The following RGS6 variants were observed in gnomAD, a reference collection of about 807,000 sequenced individuals.
RGS6 encodes the protein regulator of G-protein signaling 6.
In RGS6, 30 loss-of-function variants were observed where a neutral mutation model predicts 78.5. The observed-to-expected ratio is 0.38, with a 90% CI of 0.29 to 0.52. RGS6 has a LOEUF of 0.52. Ranked by LOEUF, RGS6 falls within the 20% of genes least tolerant of loss-of-function variation. The probability of loss-of-function intolerance (pLI) is 0.85; values close to 1 mark genes in which losing one functional copy is unlikely to be tolerated. For missense variants in RGS6, 495 were observed against 609.7 expected (o/e 0.81, Z 1.98); for synonymous variants, 206 against 206.0 (o/e 1.00, Z 0.00).
At chr14:72,344,367 A>G (rs2077586247) in intron 2 of RGS6, among the ~76,000 whole-genome samples, 1 of 152,152 alleles carries the variant, frequency 6.6e-6, no homozygotes, top group Admixed American at 6.5e-5. Flanking sequence ...CTGGCTCCCC[A>G]CTCAACTGGT....
chr14:72,467,222 T>C (rs555204397), intron 7 of RGS6, among the ~76,000 whole-genome samples: 50 of 152,288 alleles, frequency 3.3e-4, no homozygotes, highest in Admixed American at 5.9e-4. Context: ...AACTTTCTTA[T>C]ACCTTCTACT....
At position 72,052,925 on chromosome 14, in the gene RGS6, TTTTCTTTC is replaced by T. The variant is rs759527358; in HGVS notation, c.84+88104_84+88111del. ...GCACATGTTCAGAGTTTCATTGTATTTTTCTTTCTTTCTTTCTTTCTTTCTTTCTTTCT... is the reference window on the plus strand; with the variant it reads ...GCACATGTTCAGAGTTTCATTGTATTTTTCTTTCTTTCTTTCTTTCTTTCT... On this transcript the variant is annotated intron_variant, in intron 2 of 17. Coordinates refer to ENST00000553525, the MANE Select transcript of RGS6 (RefSeq NM_001204424.2). Among the ~76,000 whole-genome samples, 1,041 of 120,404 alleles carry T rather than the reference TTTTCTTTC, an allele frequency of 8.6e-3. 27 individuals are homozygous for T. Among genetic ancestry groups the T allele is most frequent in the Non-Finnish European group, 0.015 (819 of 53,554 alleles). The allele number at this position is 120,404 out of a possible 152,430, so 79.0% of individuals were successfully genotyped here.
chr14:72,516,982 A>C (rs1400275811), intron 14 of RGS6: 1 of 143,562 alleles, frequency 7.0e-6, no homozygotes, highest in Non-Finnish European at 1.5e-5. Flanking sequence ...GTTGGAGCCC[A>C]GCATTTGGGG....
At chr14:72,520,405 C>T (rs78702753) in intron 15 of RGS6, among the ~76,000 whole-genome samples, 5,695 of 152,164 alleles carry the variant, frequency 0.037, 358 homozygotes, top group African/African-American at 0.13. Context: ...TGGACAAAAC[C>T]ACTTCATGGA....
At chr14:72,341,164 A>T (rs2079503) in intron 2 of RGS6, among the ~76,000 whole-genome samples, 70,671 of 152,014 alleles carry the variant, frequency 0.46, 16,764 homozygotes, top group South Asian at 0.6. Flanking sequence ...TACAGGAAGC[A>T]TGGCTGGGGA....
intron 3 of RGS6, among the ~76,000 whole-genome samples, chr14:72,433,498 A>C (rs748944968): frequency 1.3e-5 from 2 of 152,118 alleles, no homozygotes; most frequent in Non-Finnish European, 2.9e-5. Context: ...ACTTAAAATG[A>C]AAATAAAAAT....
At chr14:72,251,915 A>G (rs2153837477) in intron 2 of RGS6, among the ~76,000 whole-genome samples, 1 of 152,370 alleles carries the variant, frequency 6.6e-6, no homozygotes, top group African/African-American at 2.4e-5. Context: ...CAAGAATTTT[A>G]TGGCCTTATA....
At chr14:72,077,608 TTC>T (rs2094628810) in intron 2 of RGS6, among the ~76,000 whole-genome samples, 1 of 152,194 alleles carries the variant, frequency 6.6e-6, no homozygotes, top group Non-Finnish European at 1.5e-5. Flanking sequence ...AGCCCTTTAA[TTC>T]TGTTTCTTTA....
At chr14:72,340,836 A>T (rs1420954352) in intron 2 of RGS6, among the ~76,000 whole-genome samples, 4 of 152,172 alleles carry the variant, frequency 2.6e-5, no homozygotes, top group Non-Finnish European at 4.4e-5. Context: ...TGCAGAGCAG[A>T]TGTAGAGGAC....
At chr14:72,369,474 T>A (rs2083047757) in intron 3 of RGS6, among the ~76,000 whole-genome samples, 2 of 152,224 alleles carry the variant, frequency 1.3e-5, no homozygotes, top group African/African-American at 4.8e-5. Context: ...TGGTGATTTG[T>A]TGCAGCAGCC....
intron 2 of RGS6, among the ~76,000 whole-genome samples, chr14:72,292,110 G>T (rs2063692555): frequency 6.6e-6 from 1 of 152,184 alleles, no homozygotes; most frequent in Admixed American, 6.5e-5. Flanking sequence ...GAGGCCCCGG[G>T]TGGAGAATTC....
intron 2 of RGS6, among the ~76,000 whole-genome samples, chr14:72,133,825 C>T (rs1183488794): frequency 2.0e-5 from 3 of 152,100 alleles, no homozygotes; most frequent in African/African-American, 4.8e-5. Flanking sequence ...AGCAGGGACA[C>T]GCATCTACGT....
chr14:72,210,367 C>G (rs986978422), intron 2 of RGS6, among the ~76,000 whole-genome samples: 2 of 152,136 alleles, frequency 1.3e-5, no homozygotes, highest in African/African-American at 4.8e-5. Context: ...TACATTTGGT[C>G]TCCACAAGCC....
intron 2 of RGS6, among the ~76,000 whole-genome samples, chr14:72,217,595 A>T (rs1026192134): frequency 6.6e-6 from 1 of 152,200 alleles, no homozygotes; most frequent in Non-Finnish European, 1.5e-5. Context: ...GTAACCAGGA[A>T]TGCAAATATG....
In RGS6 at chr14:72,559,394, C is replaced by T. The variant is rs183992540; in HGVS notation, c.1423-3023C>T. ...TTGCAGTATTTCTTCCCCAAAGCCC[C>T]GGGCCAGGCATCTACCCATGCCCGC... On this transcript the variant is annotated intron_variant, in intron 17 of 17. Transcript: ENST00000553525. Among the ~76,000 whole-genome samples, 275 of 152,328 alleles carry T rather than the reference C, an allele frequency of 1.8e-3. 1 individual carries two copies. Among genetic ancestry groups the T allele is most frequent in the Middle Eastern group, 0.01 (3 of 294 alleles).
At chr14:72,067,133 T>A (rs1237450026) in intron 2 of RGS6, among the ~76,000 whole-genome samples, 2 of 152,202 alleles carry the variant, frequency 1.3e-5, no homozygotes, top group Non-Finnish European at 2.9e-5. Flanking sequence ...CGTGTGCATG[T>A]GTCTTTATAG....
At chr14:72,113,090 GCATGCACACA>G (rs2095807583) in intron 2 of RGS6, among the ~76,000 whole-genome samples, 1 of 92,488 alleles carries the variant, frequency 1.1e-5, no homozygotes, top group Non-Finnish European at 2.6e-5. Flanking sequence ...ATGCACGCAT[GCATGCACACA>G]CATGCACACA....
chr14:72,202,973 C>T (rs2041897768), intron 2 of RGS6, among the ~76,000 whole-genome samples: 1 of 151,984 alleles, frequency 6.6e-6, no homozygotes, highest in Admixed American at 6.5e-5. Context: ...GAGAATGGTT[C>T]ACGCCATTCT....
At chr14:72,556,682 C>CG (rs1465186482) in intron 17 of RGS6, among the ~76,000 whole-genome samples, 30 of 724 alleles carry the variant, frequency 0.041, no homozygotes, top group African/African-American at 0.12. Flanking sequence ...AGGTAGGGGT[C>CG]GGGGGGGCGG....
Sources: gnomAD v4.1 joint callset for allele counts (sites outside exome capture counted in the v4.1 genomes callset) on GRCh38, gnomAD v4.1.1 for gene constraint, MANE v1.5 for transcripts, NCBI Gene and HGNC (gene_info 2026-07-23, HGNC 2026-07-21) for gene names.